Variants in AOPEP observed in about 807,000 individuals in gnomAD.
AOPEP encodes the protein aminopeptidase O (putative).
AOPEP carries 77 observed loss-of-function variants against 98.1 expected under a neutral mutation model. The ratio of observed to expected loss-of-function variants is 0.78; its 90% confidence interval spans 0.65 to 0.95. The LOEUF is 0.95. Among genes scored for constraint, AOPEP ranks in the 40% least tolerant of loss-of-function variants. The probability of loss-of-function intolerance (pLI) is 0.00; values close to 1 mark genes in which losing one functional copy is unlikely to be tolerated. For missense variants in AOPEP, 1,024 were observed against 1,024.7 expected (o/e 1.00, Z 0.01); for synonymous variants, 346 against 365.3 (o/e 0.95, Z 0.60).
At chr9:95,104,941 C>T in the AOPEP span, among the ~76,000 whole-genome samples, 18 of 152,216 alleles carry the variant, frequency 1.2e-4, no homozygotes, top group African/African-American at 3.4e-4. Context: ...TGAGAGCATG[C>T]ATTTGTCTCT....
chr9:94,744,267 C>A (rs1177040239), intron 1 of AOPEP, among the ~76,000 whole-genome samples: 1 of 152,106 alleles, frequency 6.6e-6, no homozygotes, highest in African/African-American at 2.4e-5. Context: ...TGGCAGGCGC[C>A]TGTAGTCCCA....
rs560503055 is a variant in AOPEP, at chr9:94,961,785, G to A, written c.1872+5770G>A. 1.2e-4 allele frequency among the ~76,000 whole-genome samples: 19 copies of A among 152,198 alleles called. No homozygotes were observed. In the South Asian group the frequency reaches 3.1e-3, roughly 25 times the overall value. On this transcript the variant is annotated intron_variant, in intron 9 of 16. Transcript: ENST00000375315. The stretch of plus-strand genomic sequence containing the variant: ...CCTTGGATTATGTTTTCTTCAAGGC[G>A]GGATTCCTTATCTTTTATGTGTTAT...
intron 5 of AOPEP, among the ~76,000 whole-genome samples, chr9:94,881,064 G>T (rs1396730560): frequency 6.6e-6 from 1 of 152,166 alleles, no homozygotes; most frequent in African/African-American, 2.4e-5. Flanking sequence ...TTAGATGGAG[G>T]TCAGAAGGAG....
chr9:94,914,452 A>G (rs971040073), intron 5 of AOPEP, among the ~76,000 whole-genome samples: 3 of 151,982 alleles, frequency 2.0e-5, no homozygotes, highest in African/African-American at 4.8e-5. Context: ...ATAAAATCCT[A>G]TCTTTGAAAT....
intron 5 of AOPEP, among the ~76,000 whole-genome samples, chr9:94,888,865 A>T (rs892309296): frequency 3.9e-5 from 6 of 152,182 alleles, no homozygotes; most frequent in African/African-American, 1.2e-4. Flanking sequence ...TTCTCTCTGC[A>T]TGTGTACGTG....
intron 13 of AOPEP, among the ~76,000 whole-genome samples, chr9:95,025,890 C>T (rs1269245352): frequency 6.6e-6 from 1 of 152,174 alleles, no homozygotes; most frequent in Non-Finnish European, 1.5e-5. Context: ...CCAGCACTGC[C>T]TCCGCCGGCA....
intron 5 of AOPEP, among the ~76,000 whole-genome samples, chr9:94,912,188 G>C (rs886380595): frequency 6.6e-6 from 1 of 152,170 alleles, no homozygotes; most frequent in Non-Finnish European, 1.5e-5. Context: ...GGAGAGCCAG[G>C]AGTTGACCCC....
At chr9:94,944,399 C>T (rs2057388458) in intron 7 of AOPEP, among the ~76,000 whole-genome samples, 2 of 152,106 alleles carry the variant, frequency 1.3e-5, no homozygotes, top group Non-Finnish European at 1.5e-5. Flanking sequence ...TATTAATCAG[C>T]CATAAAAAGG....
chr9:94,915,189 G>A (rs1282661407), intron 5 of AOPEP, among the ~76,000 whole-genome samples: 1 of 152,044 alleles, frequency 6.6e-6, no homozygotes, highest in Non-Finnish European at 1.5e-5. Context: ...TTCCTCATGG[G>A]GTGGTTGCTG....
At chr9:95,149,925 C>G in the AOPEP span, 1 of 1,598,764 alleles carries the variant, frequency 6.3e-7, no homozygotes, top group Non-Finnish European at 8.5e-7. Context: ...CCACTTACAG[C>G]AAAATGGCCT....
At chr9:94,812,090 G>A (rs1250524955) in intron 5 of AOPEP, among the ~76,000 whole-genome samples, 1 of 152,150 alleles carries the variant, frequency 6.6e-6, no homozygotes, top group Non-Finnish European at 1.5e-5. Flanking sequence ...TAGATCATGA[G>A]GCTTGGATTT....
At chr9:95,022,634 T>C (rs1057039681) in intron 13 of AOPEP, among the ~76,000 whole-genome samples, 31 of 104,742 alleles carry the variant, frequency 3.0e-4, no homozygotes, top group Non-Finnish European at 8.9e-5. Context: ...CCACCGCGTC[T>C]GGCCTATTTT....
intron 13 of AOPEP, among the ~76,000 whole-genome samples, chr9:95,033,213 C>CTT (rs1218545936): frequency 1.3e-5 from 2 of 152,184 alleles, no homozygotes; most frequent in Non-Finnish European, 2.9e-5. Flanking sequence ...CATTTCACCT[C>CTT]TTCTTTTGTT....
chr9:95,127,983 G>A, the AOPEP span, among the ~76,000 whole-genome samples: 2 of 152,310 alleles, frequency 1.3e-5, no homozygotes, highest in South Asian at 4.1e-4. Context: ...CTTCACTGAT[G>A]TGCATTTTTA....
chr9:95,065,354 C>G (rs767080212), intron 14 of AOPEP: 11 of 152,268 alleles, frequency 7.2e-5, no homozygotes, highest in Non-Finnish European at 1.2e-4. Flanking sequence ...CCTCTCCCAC[C>G]ACGGTGCTGG....
rs771018887 is a variant in AOPEP at position 94,979,447 on chromosome 9, T to A, written c.1977+20T>A. 2.6e-6 allele frequency: 4 copies of A among 1,543,190 alleles called. No homozygotes were observed. The highest frequency in any genetic ancestry group is 1.8e-6 in the Non-Finnish European group (2 of 1,121,856). On this transcript the variant is annotated intron_variant, in intron 11 of 16. Transcript: ENST00000375315. The stretch of plus-strand genomic sequence containing the variant: ...CCAAAGGTAACTCAAGATAACCACT[T>A]TGGTAGAATCCATGGAGAGTAGTAA...
chr9:94,729,720 T>C (rs551488293), intron 1 of AOPEP, among the ~76,000 whole-genome samples: 2 of 152,324 alleles, frequency 1.3e-5, no homozygotes, highest in Admixed American at 1.3e-4. Flanking sequence ...ATTAGATGCC[T>C]GTAGCAGACC....
intron 13 of AOPEP, among the ~76,000 whole-genome samples, chr9:95,016,245 A>AT (rs532120566): frequency 0.76 from 94,151 of 123,638 alleles, 37,961 homozygotes; most frequent in Non-Finnish European, 0.89. Context: ...TTCTCTTGTG[A>AT]TTTTTTTTTT....
At position 94,726,731 on chromosome 9, in the gene AOPEP, C is replaced by T. The variant is rs915594616; in HGVS notation, c.-156C>T. The T allele has an allele frequency of 6.6e-6, 1 of 152,286 alleles. No homozygotes were observed. Among genetic ancestry groups the T allele is most frequent in the African/African-American group, 2.4e-5 (1 of 41,460 alleles). The allele number at this position is 152,286 out of a possible 1,614,324, so 9.4% of individuals were successfully genotyped here. On this transcript the variant is annotated 5_prime_UTR_variant, in exon 1 of 17. Transcript: ENST00000375315. ...CCCCGAGTCTGCGGAAGTGGTGACC[C>T]GTGGGACGCGGCTGAGACAGGTAAC...
Sources: gnomAD v4.1 joint callset for allele counts (sites outside exome capture counted in the v4.1 genomes callset) on GRCh38, gnomAD v4.1.1 for gene constraint, MANE v1.5 for transcripts, NCBI Gene and HGNC (gene_info 2026-07-23, HGNC 2026-07-21) for gene names.